The following ATG13 variants were observed in gnomAD, a reference collection of about 807,000 sequenced individuals.
The protein encoded by ATG13 is autophagy-related protein 13.
A neutral mutation model predicts 65.5 loss-of-function variants in ATG13; 23 were observed. The observed-to-expected ratio is 0.35, with a 90% CI of 0.25 to 0.50. ATG13 has a LOEUF of 0.50. Ranked by LOEUF, ATG13 falls within the 20% of genes least tolerant of loss-of-function variation. ATG13 has a pLI of 0.98. For synonymous variants in ATG13, 252 were observed against 245.2 expected (o/e 1.03, Z -0.26); for missense variants, 566 against 677.0 (o/e 0.84, Z 1.82).
chr11:46,620,690 G>A (rs1023947725), intron 1 of ATG13, among the ~76,000 whole-genome samples: 4 of 151,970 alleles, frequency 2.6e-5, no homozygotes, highest in African/African-American at 7.2e-5. Flanking sequence ...CAAGAGAATC[G>A]CTTGAACTGG....
At chr11:46,651,850 T>A (rs2058964911) in intron 7 of ATG13, among the ~76,000 whole-genome samples, 1 of 152,192 alleles carries the variant, frequency 6.6e-6, no homozygotes, top group African/African-American at 2.4e-5. Flanking sequence ...TCTATTGAGA[T>A]ATATTAGAAA....
intron 1 of ATG13, among the ~76,000 whole-genome samples, chr11:46,623,804 G>A (rs1427048266): frequency 1.3e-5 from 2 of 151,862 alleles, no homozygotes; most frequent in Non-Finnish European, 2.9e-5. Flanking sequence ...ATATTACAGT[G>A]AATTTTTATG....
At chr11:46,627,604 G>A (rs1296877848) in intron 1 of ATG13, among the ~76,000 whole-genome samples, 2 of 151,792 alleles carry the variant, frequency 1.3e-5, no homozygotes, top group African/African-American at 4.8e-5. Context: ...CCAAGTAGCT[G>A]GGATTACAGG....
intron 2 of ATG13, 108 bp from the exon 3 acceptor site, chr11:46,644,171 C>A (rs1342723313): frequency 1.3e-6 from 1 of 793,652 alleles, no homozygotes; most frequent in East Asian, 3.0e-5. Flanking sequence ...TCCTCCCACT[C>A]CCACATGATT....
chr11:46,624,382 C>A (rs1408770454), intron 1 of ATG13, among the ~76,000 whole-genome samples: 3 of 152,116 alleles, frequency 2.0e-5, no homozygotes, highest in African/African-American at 7.2e-5. Flanking sequence ...TGTTTCAGTA[C>A]TGTCCTTCAC....
Position 46,620,644 on chromosome 11 carries a change from G to A in ATG13, c.-70+2754G>A, listed in dbSNP as rs189129870. On this transcript the variant is annotated intron_variant, in intron 1 of 18. Coordinates refer to ENST00000683050, the MANE Select transcript of ATG13 (RefSeq NM_001346311.2). ...TACAAAAATACCTGGGCGTGGTGGCGCATGTCTGTAATCCCAGCTACTCGG... is the reference window on the plus strand; with the variant it reads ...TACAAAAATACCTGGGCGTGGTGGCACATGTCTGTAATCCCAGCTACTCGG... 5.3e-3 allele frequency among the ~76,000 whole-genome samples: 806 copies of A among 151,812 alleles called. 4 individuals are homozygous for A. The highest frequency in any genetic ancestry group is 0.019 in the African/African-American group (779 of 41,444).
At chr11:46,644,933 G>T (rs1236671329) in intron 3 of ATG13, among the ~76,000 whole-genome samples, 2 of 152,184 alleles carry the variant, frequency 1.3e-5, no homozygotes, top group Admixed American at 6.5e-5. Context: ...TGGGCCAAAT[G>T]ATATGAATAA....
intron 2 of ATG13, among the ~76,000 whole-genome samples, chr11:46,640,842 T>G (rs540023163): frequency 6.6e-6 from 1 of 152,330 alleles, no homozygotes; most frequent in East Asian, 1.9e-4. Context: ...TGTATAGATT[T>G]ATAGCAACTG....
chr11:46,625,116 C>T (rs2049030266), intron 1 of ATG13, among the ~76,000 whole-genome samples: 1 of 151,038 alleles, frequency 6.6e-6, no homozygotes, highest in Non-Finnish European at 1.5e-5. Context: ...TCACTTGAAG[C>T]CAGGAGTTCC....
chr11:46,621,433 C>T (rs2047472159), intron 1 of ATG13, among the ~76,000 whole-genome samples: 2 of 152,172 alleles, frequency 1.3e-5, no homozygotes, highest in Non-Finnish European at 2.9e-5. Context: ...GTACTGGCAG[C>T]AGGCTGTGGA....
intron 7 of ATG13, among the ~76,000 whole-genome samples, chr11:46,655,405 AAAAC>A (rs750201174): frequency 2.0e-5 from 3 of 151,736 alleles, no homozygotes; most frequent in Non-Finnish European, 4.4e-5. Context: ...CTCAAAAAGC[AAAAC>A]AAACAAACAA....
Position 46,664,855 on chromosome 11 carries a change from AGCTCTC to A in ATG13, c.898_903del (p.Ser300_Arg301del). 1.2e-6 allele frequency: 2 copies of A among 1,613,556 alleles called. No homozygotes were observed. The highest frequency in any genetic ancestry group is 1.3e-5 in the African/African-American group (1 of 74,970). ...TTGTTTTTCTCTTGCTTAGCTCTCAAGCTCTCGCCTTTCCTATCAGCCTGCTGCCCT... is the reference window on the plus strand; with the variant it reads ...TTGTTTTTCTCTTGCTTAGCTCTCAAGCCTTTCCTATCAGCCTGCTGCCCT... On this transcript the variant is annotated inframe_deletion, in exon 13 of 19. Coordinates refer to ENST00000683050, the MANE Select transcript of ATG13 (RefSeq NM_001346311.2).
chr11:46,643,482 G>A (rs1401794489), intron 2 of ATG13, among the ~76,000 whole-genome samples: 1 of 152,096 alleles, frequency 6.6e-6, no homozygotes, highest in Non-Finnish European at 1.5e-5. Flanking sequence ...GAAAACTGGA[G>A]AAAACTGGAG....
intron 10 of ATG13, among the ~76,000 whole-genome samples, chr11:46,658,506 G>C (rs1380322843): frequency 6.6e-6 from 1 of 152,042 alleles, no homozygotes; most frequent in Non-Finnish European, 1.5e-5. Context: ...GATCAGCCCA[G>C]GCAATGTGGT....
At position 46,642,304 on chromosome 11, in the gene ATG13, G is replaced by GTTT. The variant is rs200225497; in HGVS notation, c.-13-1957_-13-1955dup. ...CTTCCTTGTTTTTTTATTTTTGTGG[G>GTTT]TTTTTTTTTTTTTTTTTTTTGGATG... is the stretch of plus-strand genomic sequence containing the variant. On this transcript the variant is annotated intron_variant, in intron 2 of 18. Coordinates refer to ENST00000683050, the MANE Select transcript of ATG13 (RefSeq NM_001346311.2). 3.3e-3 allele frequency among the ~76,000 whole-genome samples: 360 copies of GTTT among 107,886 alleles called. 18 individuals carry two copies. Among genetic ancestry groups the GTTT allele is most frequent in the South Asian group, 0.015 (49 of 3,204 alleles). The allele number at this position is 107,886 out of a possible 152,430, so 70.8% of individuals were successfully genotyped here.
At chr11:46,645,282 A>G in intron 3 of ATG13, 57 bp from the exon 4 acceptor site, 1 of 1,501,076 alleles carries the variant, frequency 6.7e-7, no homozygotes, top group Non-Finnish European at 9.1e-7. Flanking sequence ...CGGGAGCCAG[A>G]TTAGTCTAAG....
intron 10 of ATG13, among the ~76,000 whole-genome samples, chr11:46,658,062 CCTT>C (rs1009908222): frequency 2.7e-5 from 4 of 150,732 alleles, no homozygotes; most frequent in East Asian, 1.9e-4. Context: ...GAGTGAGACT[CCTT>C]CTCAAAAAAA....
chr11:46,656,624 C>G (rs572589069), intron 8 of ATG13, among the ~76,000 whole-genome samples: 1 of 152,298 alleles, frequency 6.6e-6, no homozygotes, highest in African/African-American at 2.4e-5. Context: ...TTGAAAGTGT[C>G]ACTTGCAAGG....
intron 5 of ATG13, 112 bp downstream of exon 5, chr11:46,646,101 T>C (rs567289774): frequency 2.0e-5 from 28 of 1,405,226 alleles, no homozygotes; most frequent in African/African-American, 1.9e-4. Context: ...GATATTCTTA[T>C]CATTCTCTGA....
Sources: allele counts gnomAD v4.1 joint callset (sites outside exome capture counted in the v4.1 genomes callset), GRCh38; gene constraint gnomAD v4.1.1; transcripts MANE v1.5; gene names NCBI Gene and HGNC (gene_info 2026-07-23, HGNC 2026-07-21).